The following CCZ1 variants were observed in gnomAD, a reference collection of about 807,000 sequenced individuals.
The protein encoded by CCZ1 is vacuolar fusion protein CCZ1 homolog.
In CCZ1, 19 loss-of-function variants were observed where a neutral mutation model predicts 57.8. The observed-to-expected ratio is 0.33, with a 90% CI of 0.23 to 0.48. CCZ1 has a LOEUF of 0.48. CCZ1 is among the 20% of genes least tolerant of loss of function. CCZ1 has a pLI of 0.99. For missense variants in CCZ1, 200 were observed against 492.0 expected (o/e 0.41, Z 5.61); for synonymous variants, 81 against 167.0 (o/e 0.49, Z 3.97).
In CCZ1 at chr7:5,911,575, A is replaced by G. The variant is rs138701774; in HGVS notation, c.781-286A>G. ...CTCCCAAAGTGCTGGGATTATAGGC[A>G]TGAGCCACCTCACCTGGCCAAAAAT... On this transcript the variant is annotated intron_variant, in intron 8 of 14. Coordinates refer to ENST00000325974, the MANE Select transcript of CCZ1 (RefSeq NM_015622.6). Among the ~76,000 whole-genome samples the G allele has an allele frequency of 2.5e-3, 374 of 148,278 alleles. 13 individuals carry two copies. Among genetic ancestry groups the G allele is most frequent in the Non-Finnish European group, 4.1e-3 (277 of 67,476 alleles).
rs398066572 is a variant in CCZ1, at chr7:5,906,323, CTT to C, written c.698+1071_698+1072del. On this transcript the variant is annotated intron_variant, in intron 7 of 14. Coordinates refer to ENST00000325974, the MANE Select transcript of CCZ1 (RefSeq NM_015622.6). ...TGACTAGAGCCCACTTTCTTTCTTT[CTT>C]TTTTTTTTTTTTTTTTGAGACGGAG... Among the ~76,000 whole-genome samples, 13 of 128,030 alleles carry C rather than the reference CTT, an allele frequency of 1.0e-4. 3 individuals are homozygous for C. In the East Asian group the frequency reaches 2.6e-3, roughly 25 times the overall value. The allele number at this position is 128,030 out of a possible 152,430, so 84.0% of individuals were successfully genotyped here.
At chr7:5,899,558 G>C (rs2128609855) in intron 1 of CCZ1, among the ~76,000 whole-genome samples, 1 of 122,962 alleles carries the variant, frequency 8.1e-6, no homozygotes, top group African/African-American at 3.1e-5. Flanking sequence ...AGGGGTTCCA[G>C]ACCAGCCTGG....
Position 5,905,108 on chromosome 7 carries a change from A to G in CCZ1, c.537A>G (p.Leu179=), listed in dbSNP as rs771481411. ...TTTTCCCACAGTATTTGCAAACGCT[A>G]CATTTGCAGTCATGTGACCTACTTG... is the stretch of plus-strand genomic sequence containing the variant. ...EKFFHRYLQT[L]HLQSCDLLDI... Residue 179 remains leucine (L), a synonymous_variant, in exon 7 of 15, where the codon CTA becomes CTG. Transcript: ENST00000325974. 1.7e-5 allele frequency: 27 copies of G among 1,599,102 alleles called. 1 individual carries two copies. The Admixed American group carries it at 2.9e-4, about 17-fold the overall frequency.
At chr7:5,901,849 C>T (rs1205512764) in intron 5 of CCZ1, 145 bp downstream of exon 5, 10 of 673,454 alleles carry the variant, frequency 1.5e-5, no homozygotes, top group Non-Finnish European at 2.4e-5. Context: ...GCCTTTGAAA[C>T]AGGTAGTGAG....
chr7:5,905,517 C>T (rs1043058641), intron 7 of CCZ1, among the ~76,000 whole-genome samples: 1 of 146,430 alleles, frequency 6.8e-6, no homozygotes, highest in Middle Eastern at 3.2e-3. Flanking sequence ...GGCACGGTGG[C>T]TCACACCTGT....
chr7:5,901,206 T>A, intron 4 of CCZ1: 1 of 280,572 alleles, frequency 3.6e-6, no homozygotes, highest in Non-Finnish European at 5.9e-6. Context: ...CACTTCTGGC[T>A]GGGAACAGTG....
rs1228217985 is a variant in CCZ1, at chr7:5,909,718, ATT to A, written c.699-310_699-309del. On this transcript the variant is annotated intron_variant, in intron 7 of 14. Transcript: ENST00000325974. ...GTCTCAAAAAAAAAAAGAAAAAAAA[ATT>A]TTTTTTAATAAAAAATGAGTTTTAT... Among the ~76,000 whole-genome samples the A allele has an allele frequency of 1.4e-5, 2 of 142,792 alleles. 1 individual carries two copies. The highest frequency in any genetic ancestry group is 5.3e-5 in the African/African-American group (2 of 37,954). The allele number at this position is 142,792 out of a possible 152,430, so 93.7% of individuals were successfully genotyped here. A position where few individuals can be genotyped will look rare whatever the true frequency, so the allele number is the denominator to read the frequency against.
rs537158536 is a variant in CCZ1, at chr7:5,902,444, A to T, written c.439-217A>T. 8.1e-5 allele frequency: 66 copies of T among 809,984 alleles called. 5 individuals carry two copies. Among genetic ancestry groups the T allele is most frequent in the East Asian group, 5.7e-5 (1 of 17,440 alleles). 50.2% of individuals were successfully genotyped at this position (809,984 alleles called of 1,614,324 possible). On this transcript the variant is annotated intron_variant, in intron 5 of 14. Transcript: ENST00000325974. ...GAAATTTTTGAAAGATGCCTAGAGC[A>T]ATTAGGTGGTTTCATAAATAAGACA...
chr7:5,899,715 C>CT (rs1781638896), intron 1 of CCZ1, among the ~76,000 whole-genome samples: 1 of 150,464 alleles, frequency 6.6e-6, no homozygotes, highest in Non-Finnish European at 1.5e-5. Context: ...TGCAGGTGAG[C>CT]TGTAATAGCG....
intron 1 of CCZ1, among the ~76,000 whole-genome samples, chr7:5,899,339 G>A (rs1370887030): frequency 0.11 from 210 of 1,942 alleles, 4 homozygotes; most frequent in Middle Eastern, 0.33. Flanking sequence ...AGGGGGGTGT[G>A]TGTGTGTGTG....
chr7:5,904,367 C>T (rs1159679623), intron 6 of CCZ1, among the ~76,000 whole-genome samples: 7 of 144,972 alleles, frequency 4.8e-5, no homozygotes, highest in East Asian at 2.4e-4. Flanking sequence ...ATTACAGGCG[C>T]GAGCCGCTGT....
In CCZ1 at chr7:5,904,372, C is replaced by T. The variant is rs867104758; in HGVS notation, c.523-722C>T. ...AAGGGCTGGGATTACAGGCGCGAGC[C>T]GCTGTGCCTGGCCAGGAATTAAAAA... On this transcript the variant is annotated intron_variant, in intron 6 of 14. Transcript: ENST00000325974. 4.1e-5 allele frequency among the ~76,000 whole-genome samples: 6 copies of T among 145,462 alleles called. 1 individual carries two copies. The highest frequency in any genetic ancestry group is 2.4e-4 in the East Asian group (1 of 4,252).
rs1400982465 is a variant in CCZ1, at chr7:5,923,402, CCA to C, written c.1123_1124del (p.Gln375ValfsTer2). 3 of 291,992 alleles carry C rather than the reference CCA, an allele frequency of 1.0e-5. No individual in the cohort carries two copies. The highest frequency in any genetic ancestry group is 9.3e-5 in the East Asian group (2 of 21,486). 18.1% of individuals were successfully genotyped at this position (291,992 alleles called of 1,614,324 possible). ...KRMSGSEKEP[Q>X]FKFIYFNHMN... is the part of the protein sequence containing the mutation. The stretch of plus-strand genomic sequence containing the variant: ...GTTTTCACAGGTCTGAGAAAGAACC[CCA>C]GTTTAAGTTTATCTACTTCAACCAC... On this transcript the variant is annotated frameshift_variant, in exon 13 of 15. Transcript: ENST00000325974. LOFTEE classifies it high-confidence loss of function.
intron 4 of CCZ1, 95 bp from the exon 5 acceptor site, chr7:5,901,562 C>T: frequency 6.7e-7 from 1 of 1,485,600 alleles, no homozygotes; most frequent in Non-Finnish European, 9.0e-7. Flanking sequence ...AAACATTATA[C>T]TGTTTGGCCA....
intron 8 of CCZ1, among the ~76,000 whole-genome samples, chr7:5,910,997 A>G (rs1313033020): frequency 6.7e-6 from 1 of 148,728 alleles, no homozygotes; most frequent in African/African-American, 2.5e-5. Flanking sequence ...CAGCCTTCCA[A>G]AGTGCTGGGA....
chr7:5,904,294 G>A (rs1436925522), intron 6 of CCZ1, among the ~76,000 whole-genome samples: 7 of 140,978 alleles, frequency 5.0e-5, no homozygotes, highest in Admixed American at 3.4e-4. Flanking sequence ...TCATGTTGGC[G>A]AGGCTGGTCT....
rs1781760809 is a variant in CCZ1 at position 5,904,606 on chromosome 7, G to A, written c.523-488G>A. ...CCAGCACTTTGGGAGGCCGAGGCAGGCAGATCACGAGTCAGGAGATTGAGA... is the reference window on the plus strand; with the variant it reads ...CCAGCACTTTGGGAGGCCGAGGCAGACAGATCACGAGTCAGGAGATTGAGA... On this transcript the variant is annotated intron_variant, in intron 6 of 14. Coordinates refer to ENST00000325974, the MANE Select transcript of CCZ1 (RefSeq NM_015622.6). 2.0e-5 allele frequency among the ~76,000 whole-genome samples: 3 copies of A among 146,830 alleles called. No individual in the cohort carries two copies. The South Asian group carries it at 6.8e-4, about 33-fold the overall frequency.
rs1221841561 is a variant in CCZ1 at position 5,902,005 on chromosome 7, T to A, written c.438+301T>A. ...CAGATAATTTTATGATTTAAAAGTT[T>A]CAGTGAGGCAGGGCACAGTGGATCA... On this transcript the variant is annotated intron_variant, in intron 5 of 14. Transcript: ENST00000325974. 8.7e-6 allele frequency: 3 copies of A among 346,176 alleles called. No individual in the cohort carries two copies. In the South Asian group the frequency reaches 1.4e-4, roughly 17 times the overall value. The allele number at this position is 346,176 out of a possible 1,614,324, so 21.4% of individuals were successfully genotyped here.
chr7:5,906,403 A>T (rs1781824349), intron 7 of CCZ1, among the ~76,000 whole-genome samples: 1 of 145,656 alleles, frequency 6.9e-6, no homozygotes, highest in Non-Finnish European at 1.5e-5. Flanking sequence ...GCTCACTGCA[A>T]CTTCCCCTTC....
Sources: allele counts gnomAD v4.1 joint callset (sites outside exome capture counted in the v4.1 genomes callset), GRCh38; gene constraint gnomAD v4.1.1; transcripts MANE v1.5; gene names NCBI Gene and HGNC (gene_info 2026-07-23, HGNC 2026-07-21).